The following WDFY1 variants were observed in gnomAD, a reference collection of about 807,000 sequenced individuals.
The protein encoded by WDFY1 is WD repeat and FYVE domain containing 1, also known as WD repeat and FYVE domain-containing protein 1.
In WDFY1, 32 loss-of-function variants were observed where a neutral mutation model predicts 56.4. The ratio of observed to expected loss-of-function variants is 0.57; its 90% CI spans 0.43 to 0.76. The LOEUF is 0.76. Among genes scored for constraint, WDFY1 ranks in the 30% least tolerant of loss-of-function variants. The pLI is 0.00. For missense variants in WDFY1, 480 were observed against 545.7 expected (o/e 0.88, Z 1.20); for synonymous variants, 192 against 197.3 (o/e 0.97, Z 0.23).
Position 223,904,113 on chromosome 2 carries a change from T to C in WDFY1, c.334+1834A>G, listed in dbSNP as rs183271606. On this transcript the variant is annotated intron_variant, in intron 4 of 11. Coordinates refer to ENST00000233055, the MANE Select transcript of WDFY1 (RefSeq NM_020830.5). Reference sequence around the variant, plus strand: ...GAATTCAAAGTTGCTTCTGGTGTTATAATAACACCATAATGCTAGTACATT... The same window carrying C: ...GAATTCAAAGTTGCTTCTGGTGTTACAATAACACCATAATGCTAGTACATT... Among the ~76,000 whole-genome samples the C allele has an allele frequency of 1.2e-4, 18 of 152,358 alleles. No individual in the cohort carries two copies. The East Asian group carries it at 3.3e-3, about 28-fold the overall frequency.
chr2:223,885,808 C>G (rs1484622435), intron 8 of WDFY1, among the ~76,000 whole-genome samples: 1 of 152,114 alleles, frequency 6.6e-6, no homozygotes, highest in Non-Finnish European at 1.5e-5. Context: ...GATTTGCCCC[C>G]CTTCCCTTCC....
At chr2:223,898,554 C>A (rs1476660224) in intron 6 of WDFY1, among the ~76,000 whole-genome samples, 3 of 151,938 alleles carry the variant, frequency 2.0e-5, no homozygotes, top group Non-Finnish European at 4.4e-5. Flanking sequence ...TACAGGTATG[C>A]GCCACCATGC....
At chr2:223,933,153 T>C (rs1041531523) in intron 1 of WDFY1, among the ~76,000 whole-genome samples, 4 of 152,002 alleles carry the variant, frequency 2.6e-5, no homozygotes, top group African/African-American at 9.7e-5. Context: ...GAGAATTAGA[T>C]TGGCTGAGAA....
chr2:223,885,934 A>G (rs1306043642), intron 8 of WDFY1, among the ~76,000 whole-genome samples: 1 of 152,076 alleles, frequency 6.6e-6, no homozygotes, highest in Non-Finnish European at 1.5e-5. Context: ...CCTCTAACCA[A>G]TGAGTTACTT....
At chr2:223,890,950 G>A (rs976022183) in intron 8 of WDFY1, among the ~76,000 whole-genome samples, 3 of 152,174 alleles carry the variant, frequency 2.0e-5, no homozygotes, top group African/African-American at 7.2e-5. Flanking sequence ...ACAGCGTAGT[G>A]GTTGAAGCCA....
chr2:223,917,950 T>C lies in WDFY1; in HGVS notation c.198A>G (p.Thr66=), dbSNP rs778630651. The C allele has an allele frequency of 1.2e-6, 2 of 1,614,144 alleles. No homozygotes were observed. The highest frequency in any genetic ancestry group is 1.7e-6 in the Non-Finnish European group (2 of 1,180,008). The change falls in exon 2 of 12, where the codon ACA becomes ACG. Residue 66 remains threonine (T), a synonymous_variant. Coordinates refer to ENST00000233055, the MANE Select transcript of WDFY1 (RefSeq NM_020830.5). ...AACAGTTCAGCTACTTACAGGCCAT[T>C]GTGTGGTAAATGCTGGGCCAGTATT... is the stretch of plus-strand genomic sequence containing the variant. ...SGQYWPSIYH[T]MASPCSAMAY...
At chr2:223,899,902 G>A (rs867524412) in intron 5 of WDFY1, among the ~76,000 whole-genome samples, 1 of 152,096 alleles carries the variant, frequency 6.6e-6, no homozygotes, top group South Asian at 2.1e-4. Context: ...TGTTTCTTTT[G>A]GCCTAGAGAA....
In WDFY1 at chr2:223,917,947, C is replaced by T; in HGVS notation, c.201G>A (p.Met67Ile). The part of the protein sequence containing the change: ...GQYWPSIYHT[M>I]ASPCSAMAYH... The stretch of plus-strand genomic sequence containing the variant: ...TGGAACAGTTCAGCTACTTACAGGC[C>T]ATTGTGTGGTAAATGCTGGGCCAGT... Residue 67 changes from methionine to isoleucine, a missense_variant, in exon 2 of 12, where the codon ATG (methionine) becomes ATA (isoleucine). By Grantham distance (10) the Met-to-Ile change is conservative. Coordinates refer to ENST00000233055, the MANE Select transcript of WDFY1 (RefSeq NM_020830.5). 1.2e-6 allele frequency: 2 copies of T among 1,614,034 alleles called. No individual in the cohort carries two copies. The highest frequency in any genetic ancestry group is 1.7e-6 in the Non-Finnish European group (2 of 1,179,958).
chr2:223,905,336 C>T (rs946864971), intron 4 of WDFY1, among the ~76,000 whole-genome samples: 1 of 152,050 alleles, frequency 6.6e-6, no homozygotes, highest in Admixed American at 6.5e-5. Flanking sequence ...CACTGAGCAC[C>T]TAGGGATTTG....
At chr2:223,884,791 AT>A in intron 8 of WDFY1, 42 bp from the exon 9 acceptor site, 2 of 1,540,886 alleles carry the variant, frequency 1.3e-6, no homozygotes, top group Non-Finnish European at 1.8e-6. Context: ...GTGTGTCTAT[AT>A]TTACTCCCAT....
chr2:223,878,709 C>A lies in WDFY1; in HGVS notation c.1195G>T (p.Val399Leu). 1.2e-6 allele frequency: 2 copies of A among 1,613,944 alleles called. No homozygotes were observed. The highest frequency in any genetic ancestry group is 1.7e-6 in the Non-Finnish European group (2 of 1,179,954). ...IVKIWDMTPV[V>L]GCSLATGFSP... ...AACCCAGTCGCCAGACTGCAGCCCA[C>A]CACAGGTGTCATGTCCCAGATCTAC... Residue 399 changes from valine (V) to leucine (L), a missense_variant, in exon 12 of 12, where the codon GTG becomes TTG. Val to Leu is a conservative substitution (Grantham distance 32). Transcript: ENST00000233055.
intron 1 of WDFY1, among the ~76,000 whole-genome samples, chr2:223,935,820 T>C (rs1183500044): frequency 6.6e-6 from 1 of 152,172 alleles, no homozygotes; most frequent in South Asian, 2.1e-4. Context: ...GAAGAATTAT[T>C]CAATGGAGGA....
At position 223,896,155 on chromosome 2, in the gene WDFY1, C is replaced by CAAAAAAAAAAAAAAAAAAAAAAAA. The variant is rs71058956; in HGVS notation, c.599-549_599-526dup. On this transcript the variant is annotated intron_variant, in intron 6 of 11. Coordinates refer to ENST00000233055, the MANE Select transcript of WDFY1 (RefSeq NM_020830.5). ...TGGGTGACAGAGTGAGACTCTGTCT[C>CAAAAAAAAAAAAAAAAAAAAAAAA]AAAAAAAAAAAAAAAAAAAAAAAAA... Among the ~76,000 whole-genome samples the CAAAAAAAAAAAAAAAAAAAAAAAA allele has an allele frequency of 5.3e-4, 21 of 39,836 alleles. 3 individuals carry two copies. The highest frequency in any genetic ancestry group is 8.6e-4 in the East Asian group (1 of 1,162). 26.1% of individuals were successfully genotyped at this position (39,836 alleles called of 152,430 possible). A position where few individuals can be genotyped will look rare whatever the true frequency, so the allele number is the denominator to read the frequency against.
In WDFY1 at chr2:223,901,240, G is replaced by A. The variant is rs542327397; in HGVS notation, c.428C>T (p.Thr143Met). The change falls in exon 5 of 12, where the codon ACG (threonine) becomes ATG (methionine). Residue 143 changes from threonine to methionine, a missense_variant. Thr to Met is a moderately conservative substitution (Grantham distance 81). Transcript: ENST00000233055. ...CCTCCCGAGCATGTTCCCGCTCCGCGTGCACATCCAGCTCACACACTTGTC... is the reference window on the plus strand; with the variant it reads ...CCTCCCGAGCATGTTCCCGCTCCGCATGCACATCCAGCTCACACACTTGTC... ...GHDKCVSWMCTRSGNMLGRHF... is the reference protein window; with the variant it reads ...GHDKCVSWMCMRSGNMLGRHF... 1.6e-4 allele frequency: 266 copies of A among 1,614,094 alleles called. No individual in the cohort carries two copies. In the South Asian group the frequency reaches 2.6e-3, roughly 16 times the overall value.
chr2:223,929,872 A>G (rs1205055556), intron 1 of WDFY1, among the ~76,000 whole-genome samples: 1 of 152,240 alleles, frequency 6.6e-6, no homozygotes, highest in Non-Finnish European at 1.5e-5. Flanking sequence ...AGATGGTGAA[A>G]GTTCATCTTT....
Position 223,882,032 on chromosome 2 carries a change from C to T in WDFY1, c.974G>A (p.Cys325Tyr), listed in dbSNP as rs1402639327. ...RKCGQAVCGKCSSKRSSYPVM... is the reference protein window; with the variant it reads ...RKCGQAVCGKYSSKRSSYPVM... ...TGGGTAACTTGAGCGCTTGCTGCTG[C>T]ACTTCCCGCAGACAGCCTGCCCGCA... The change falls in exon 10 of 12, where the codon TGC becomes TAC. Residue 325 changes from cysteine to tyrosine, a missense_variant. Physicochemically the swap from Cys to Tyr is radical, Grantham distance 194. Transcript: ENST00000233055. The T allele has an allele frequency of 1.9e-6, 3 of 1,613,904 alleles. No homozygotes were observed. The highest frequency in any genetic ancestry group is 2.7e-5 in the African/African-American group (2 of 74,936).
intron 3 of WDFY1, among the ~76,000 whole-genome samples, chr2:223,906,309 C>A (rs892258289): frequency 6.6e-6 from 1 of 152,138 alleles, no homozygotes; most frequent in Non-Finnish European, 1.5e-5. Flanking sequence ...AAACTTTATT[C>A]TCTTAGTGAC....
intron 6 of WDFY1, among the ~76,000 whole-genome samples, chr2:223,897,379 TATATATATA>T (rs1559165965): frequency 3.3e-4 from 14 of 42,418 alleles, no homozygotes; most frequent in African/African-American, 1.3e-3. Context: ...TATATATATA[TATATATATA>T]TATTTTTTAA....
intron 4 of WDFY1, 136 bp from the exon 5 acceptor site, chr2:223,901,469 GTGAGTA>G: frequency 3.7e-6 from 4 of 1,067,506 alleles, no homozygotes; most frequent in Admixed American, 5.7e-5. Flanking sequence ...CCTGTCCTCT[GTGAGTA>G]TATTTCAGAC....
Sources: gnomAD v4.1 joint callset for allele counts (sites outside exome capture counted in the v4.1 genomes callset) on GRCh38, gnomAD v4.1.1 for gene constraint, MANE v1.5 for transcripts, NCBI Gene and HGNC (gene_info 2026-07-23, HGNC 2026-07-21) for gene names.